Variants in DGKK observed in about 807,000 individuals in gnomAD.
The protein encoded by DGKK is diacylglycerol kinase kappa, also known as 142 kDa diacylglycerol kinase.
A neutral mutation model predicts 92.2 loss-of-function variants in DGKK; 35 were observed. The ratio of observed to expected loss-of-function variants is 0.38; its 90% CI spans 0.29 to 0.50. The LOEUF is 0.50. Ranked by LOEUF, DGKK falls within the 20% of genes least tolerant of loss-of-function variation. The probability of loss-of-function intolerance (pLI) is 0.92; values close to 1 mark genes in which losing one functional copy is unlikely to be tolerated. For synonymous variants in DGKK, 368 were observed against 360.6 expected, an observed-to-expected ratio of 1.02 and a Z score of -0.23; for missense variants, 910 against 992.2, an observed-to-expected ratio of 0.92 and a Z score of 1.11.
At chrX:50,455,816 T>G (rs1926595783) in intron 1 of DGKK, among the ~76,000 whole-genome samples, 1 of 112,127 alleles carries the variant, frequency 8.9e-6, no homozygotes, top group South Asian at 3.7e-4. Flanking sequence ...CTTCAACCTC[T>G]AATTCAGTAT....
At chrX:50,418,846 T>C (rs1557228834) in intron 4 of DGKK, among the ~76,000 whole-genome samples, 1 of 111,974 alleles carries the variant, frequency 8.9e-6, no homozygotes, top group African/African-American at 3.2e-5. Context: ...AGAATTTCTC[T>C]AGGAGTTTTT....
intron 1 of DGKK, among the ~76,000 whole-genome samples, chrX:50,455,424 TGAA>T (rs1362882768): frequency 9.8e-5 from 11 of 112,264 alleles, no homozygotes; most frequent in Non-Finnish European, 1.9e-4. Flanking sequence ...ACACTATGTG[TGAA>T]GAACATTAAA....
intron 4 of DGKK, among the ~76,000 whole-genome samples, chrX:50,409,702 G>A (rs1557227690): frequency 9.0e-6 from 1 of 111,632 alleles, no homozygotes; most frequent in African/African-American, 3.3e-5. Flanking sequence ...CCATTGCTCC[G>A]ATCGGATTCT....
At chrX:50,402,185 A>T (rs112793423) in intron 7 of DGKK, among the ~76,000 whole-genome samples, 4,016 of 111,302 alleles carry the variant, frequency 0.036, 193 homozygotes, top group African/African-American at 0.12. Flanking sequence ...AGGTAGGAGG[A>T]TCACTTGAGC....
chrX:50,368,837 T>C lies in DGKK; in HGVS notation c.*103A>G. On this transcript the variant is annotated 3_prime_UTR_variant, in exon 28 of 28. Coordinates refer to ENST00000611977, the MANE Select transcript of DGKK (RefSeq NM_001013742.4). ...AGAATTGGAGGGTCTTTCTTGGTGGTGCTCATGTTTGTTCTGAAATGATTT... is the reference window on the plus strand; with the variant it reads ...AGAATTGGAGGGTCTTTCTTGGTGGCGCTCATGTTTGTTCTGAAATGATTT... The C allele has an allele frequency of 1.6e-6, 1 of 638,455 alleles. No individual in the cohort carries two copies. The allele number at this position is 638,455 out of a possible 1,213,427, so 52.6% of individuals were successfully genotyped here. A position where few individuals can be genotyped will look rare whatever the true frequency, so the allele number is the denominator to read the frequency against.
chrX:50,392,223 C>A, intron 10 of DGKK, 118 bp downstream of exon 10: 1 of 515,126 alleles, frequency 1.9e-6, no homozygotes, highest in Non-Finnish European at 3.3e-6. Flanking sequence ...GAATATGAAA[C>A]CTGGGGGAAA....
chrX:50,425,934 A>G (rs1925728374), intron 1 of DGKK, among the ~76,000 whole-genome samples: 1 of 112,108 alleles, frequency 8.9e-6, no homozygotes, highest in Non-Finnish European at 1.9e-5. Flanking sequence ...ACAGTTCTCA[A>G]AAATGGCTTT....
chrX:50,381,378 G>T (rs1290163917), intron 18 of DGKK, among the ~76,000 whole-genome samples: 1 of 111,429 alleles, frequency 9.0e-6, no homozygotes, highest in African/African-American at 3.3e-5. Context: ...TGAGGCAGGA[G>T]AATTACTTGA....
At chrX:50,466,202 T>A (rs1214244500) in intron 1 of DGKK, among the ~76,000 whole-genome samples, 1 of 109,710 alleles carries the variant, frequency 9.1e-6, no homozygotes, top group Non-Finnish European at 1.9e-5. Context: ...GCTTAGGAAC[T>A]ATTAGAATAC....
intron 4 of DGKK, among the ~76,000 whole-genome samples, chrX:50,408,720 C>T (rs965787416): frequency 1.8e-5 from 2 of 111,929 alleles, no homozygotes; most frequent in Non-Finnish European, 3.8e-5. Flanking sequence ...CTGTCCTATG[C>T]CTGTCTCAAC....
At chrX:50,424,040 A>G in intron 2 of DGKK, among the ~76,000 whole-genome samples, 1 of 111,528 alleles carries the variant, frequency 9.0e-6, no homozygotes, top group South Asian at 3.8e-4. Flanking sequence ...GCTAGCTGGG[A>G]AAAATACAAA....
rs369310251 is a variant in DGKK at position 50,379,645 on chromosome X, T to G, written c.2844A>C (p.Gly948=). 24 of 1,209,021 alleles carry G rather than the reference T, an allele frequency of 2.0e-5. No individual in the cohort carries two copies. Among genetic ancestry groups the G allele is most frequent in the Non-Finnish European group, 2.7e-5 (24 of 894,396 alleles). The part of the protein sequence containing the change: ...TSYAGGINFW[G]SNTATTEYEA... The stretch of plus-strand genomic sequence containing the variant: ...TACTAACCGTGGTTGCTGTGTTGCT[T>G]CCCCAGAAGTTGATACCTCCAGCAT... The change falls in exon 20 of 28, where the codon GGA becomes GGC. Residue 948 remains glycine (G), a synonymous_variant. Transcript: ENST00000611977.
intron 1 of DGKK, among the ~76,000 whole-genome samples, chrX:50,441,961 T>C (rs1258962864): frequency 9.0e-6 from 1 of 111,525 alleles, no homozygotes; most frequent in Non-Finnish European, 1.9e-5. Flanking sequence ...CAACAATGGA[T>C]CTTGAGAAAT....
At chrX:50,403,722 A>G in intron 5 of DGKK, 125 bp from the exon 6 acceptor site, 1 of 562,519 alleles carries the variant, frequency 1.8e-6, no homozygotes, top group Non-Finnish European at 2.9e-6. Context: ...ATGCACCTCC[A>G]AAAACCTATT....
chrX:50,384,730 G>T lies in DGKK; in HGVS notation c.2442C>A (p.Ser814Arg), dbSNP rs1924498603. ...CAGAAAGATCCTTACGGCGTCGTGG[G>T]CTTGTCTGGTTAATATCTTCTGGGT... ...EDDPEDINQT[S>R]PRRRSRRGTL... The change falls in exon 16 of 28, where the codon AGC (serine) becomes AGA (arginine). Residue 814 changes from serine (S) to arginine (R), a missense_variant. By Grantham distance (110) the Ser-to-Arg change is moderately radical. Coordinates refer to ENST00000611977, the MANE Select transcript of DGKK (RefSeq NM_001013742.4). 2 of 1,208,925 alleles carry T rather than the reference G, an allele frequency of 1.7e-6. No homozygotes were observed. Among genetic ancestry groups the T allele is most frequent in the East Asian group, 5.9e-5 (2 of 33,765 alleles).
chrX:50,379,298 A>G (rs1371123083), intron 20 of DGKK, among the ~76,000 whole-genome samples: 2 of 100,197 alleles, frequency 2.0e-5, no homozygotes, highest in African/African-American at 3.8e-5. Flanking sequence ...CCTGGATGAC[A>G]GAGCAAGACT....
intron 17 of DGKK, among the ~76,000 whole-genome samples, chrX:50,383,889 C>A (rs1924472600): frequency 8.9e-6 from 1 of 112,364 alleles, no homozygotes; most frequent in South Asian, 3.7e-4. Flanking sequence ...ACAATAATAA[C>A]TGCAAATGCA....
At chrX:50,459,491 T>TA (rs1411566686) in intron 1 of DGKK, among the ~76,000 whole-genome samples, 1 of 110,566 alleles carries the variant, frequency 9.0e-6, no homozygotes, top group Non-Finnish European at 1.9e-5. Flanking sequence ...TTTTCAGGAA[T>TA]TTCTAGAAAG....
chrX:50,368,710 G>A lies in DGKK; in HGVS notation c.*230C>T, dbSNP rs1557222742. The A allele has an allele frequency of 1.1e-5, 4 of 348,714 alleles. No individual in the cohort carries two copies. The allele number at this position is 348,714 out of a possible 1,213,427, so 28.7% of individuals were successfully genotyped here. On this transcript the variant is annotated 3_prime_UTR_variant, in exon 28 of 28. Transcript: ENST00000611977. Reference sequence around the variant, plus strand: ...AGTTGCTCAAGATGCACAAAGAGAAGGAGAACTGAACAAGACAACTCGGAA... The same window carrying A: ...AGTTGCTCAAGATGCACAAAGAGAAAGAGAACTGAACAAGACAACTCGGAA...
Sources: gnomAD v4.1 joint callset for allele counts (sites outside exome capture counted in the v4.1 genomes callset) on GRCh38, gnomAD v4.1.1 for gene constraint, MANE v1.5 for transcripts, NCBI Gene and HGNC (gene_info 2026-07-23, HGNC 2026-07-21) for gene names.